The following IL1RAPL2 variants were observed in gnomAD, a reference collection of about 807,000 sequenced individuals.
IL1RAPL2 encodes the protein interleukin 1 receptor accessory protein like 2, also known as X-linked interleukin-1 receptor accessory protein-like 2.
A neutral mutation model predicts 44.1 loss-of-function variants in IL1RAPL2; 3 were observed. The ratio of observed to expected loss-of-function variants is 0.07; its 90% CI spans 0.03 to 0.18. The LOEUF (loss-of-function observed/expected upper bound fraction) is 0.18. Ranked by LOEUF, IL1RAPL2 falls within the 10% of genes least tolerant of loss-of-function variation. The pLI is 1.00. For missense variants in IL1RAPL2, 391 were observed against 496.4 expected (o/e 0.79, Z 2.02); for synonymous variants, 181 against 178.8 (o/e 1.01, Z -0.10).
At chrX:104,890,838 A>G (rs1037259147) in intron 2 of IL1RAPL2, among the ~76,000 whole-genome samples, 1 of 111,618 alleles carries the variant, frequency 9.0e-6, no homozygotes, top group African/African-American at 3.3e-5. Context: ...TTTTGTTGCC[A>G]TTGCTTCTGG....
chrX:105,681,430 G>A (rs762120169), intron 6 of IL1RAPL2, among the ~76,000 whole-genome samples: 3 of 111,986 alleles, frequency 2.7e-5, no homozygotes, highest in South Asian at 3.7e-4. Flanking sequence ...ATCTTGAAAA[G>A]AAAACATTAA....
chrX:105,451,554 A>C lies in IL1RAPL2; in HGVS notation c.698-32759A>C, dbSNP rs1215175041. 8.0e-5 allele frequency among the ~76,000 whole-genome samples: 9 copies of C among 111,848 alleles called. No homozygotes were observed. The South Asian group carries it at 3.3e-3, about 41-fold the overall frequency. On this transcript the variant is annotated intron_variant, in intron 5 of 10. Coordinates refer to ENST00000372582, the MANE Select transcript of IL1RAPL2 (RefSeq NM_017416.2). ...GAGAAAAAGGAAAGATAGAGTTGTA[A>C]GTATCTCTTAGCCTTCTTAGTAATT...
intron 1 of IL1RAPL2, among the ~76,000 whole-genome samples, chrX:104,582,630 T>TTCTC (rs1928392784): frequency 2.3e-5 from 2 of 87,083 alleles, no homozygotes; most frequent in Admixed American, 1.2e-4. Context: ...CTTTCTTTCT[T>TTCTC]TCTTTCTTTC....
chrX:105,271,948 A>G (rs1388878799), intron 5 of IL1RAPL2, among the ~76,000 whole-genome samples: 1 of 109,263 alleles, frequency 9.2e-6, no homozygotes, highest in Non-Finnish European at 1.9e-5. Context: ...GGCTGAGACA[A>G]TGGGGTTTTC....
At chrX:105,436,098 G>T (rs2035880612) in intron 5 of IL1RAPL2, among the ~76,000 whole-genome samples, 1 of 111,579 alleles carries the variant, frequency 9.0e-6, no homozygotes, top group African/African-American at 3.3e-5. Flanking sequence ...ACATGCAACA[G>T]TATGGATGAA....
intron 2 of IL1RAPL2, among the ~76,000 whole-genome samples, chrX:104,977,818 G>A (rs1481391522): frequency 1.8e-5 from 2 of 112,295 alleles, no homozygotes; most frequent in African/African-American, 6.5e-5. Context: ...GGGCAGTTCT[G>A]CAGTTATATC....
intron 2 of IL1RAPL2, among the ~76,000 whole-genome samples, chrX:104,896,975 C>A (rs1270924340): frequency 1.8e-5 from 2 of 111,514 alleles, no homozygotes; most frequent in African/African-American, 6.5e-5. Flanking sequence ...ATGAACCCAC[C>A]AGAAGGAAGA....
At chrX:104,977,460 C>G (rs1052613698) in intron 2 of IL1RAPL2, among the ~76,000 whole-genome samples, 6 of 111,986 alleles carry the variant, frequency 5.4e-5, no homozygotes, top group African/African-American at 1.9e-4. Flanking sequence ...TGGTTGCCAT[C>G]TCACCATCTC....
At chrX:105,525,922 T>A (rs1301569369) in intron 6 of IL1RAPL2, among the ~76,000 whole-genome samples, 1 of 111,871 alleles carries the variant, frequency 8.9e-6, no homozygotes, top group African/African-American at 3.2e-5. Context: ...TTAATAACTT[T>A]CTTTCTCTAC....
At chrX:104,648,540 G>T (rs1470301834) in intron 1 of IL1RAPL2, among the ~76,000 whole-genome samples, 1 of 111,926 alleles carries the variant, frequency 8.9e-6, no homozygotes, top group African/African-American at 3.2e-5. Flanking sequence ...TTTATTGATG[G>T]AAGAAAATGT....
At chrX:104,891,646 T>C (rs1373202716) in intron 2 of IL1RAPL2, among the ~76,000 whole-genome samples, 1 of 112,462 alleles carries the variant, frequency 8.9e-6, no homozygotes, top group Non-Finnish European at 1.9e-5. Context: ...ATTGATTTTG[T>C]ATCCTGAGAC....
intron 2 of IL1RAPL2, among the ~76,000 whole-genome samples, chrX:104,724,319 T>C (rs1368276616): frequency 9.0e-6 from 1 of 110,702 alleles, no homozygotes; most frequent in Non-Finnish European, 1.9e-5. Flanking sequence ...TCAACATATA[T>C]CTAAAAGGGG....
At chrX:105,269,577 C>T (rs2034431783) in intron 5 of IL1RAPL2, among the ~76,000 whole-genome samples, 1 of 111,226 alleles carries the variant, frequency 9.0e-6, no homozygotes, top group South Asian at 3.7e-4. Flanking sequence ...TGGGCCAATT[C>T]CAAATAGCAA....
intron 2 of IL1RAPL2, among the ~76,000 whole-genome samples, chrX:105,010,531 C>G (rs1168208197): frequency 6.3e-5 from 7 of 111,401 alleles, no homozygotes; most frequent in Non-Finnish European, 1.3e-4. Context: ...TGGCCATTTC[C>G]CCCACCTTAA....
At chrX:104,739,201 A>G (rs1050170149) in intron 2 of IL1RAPL2, among the ~76,000 whole-genome samples, 1 of 112,260 alleles carries the variant, frequency 8.9e-6, no homozygotes, top group Admixed American at 9.4e-5. Context: ...TAGTTGGCAT[A>G]TCAGGTGGTA....
rs192481960 is a variant in IL1RAPL2, at chrX:104,808,272, T to C, written c.82+149277T>C. 4.0e-3 allele frequency among the ~76,000 whole-genome samples: 453 copies of C among 112,070 alleles called. 5 individuals carry two copies. The highest frequency in any genetic ancestry group is 0.028 in the Middle Eastern group (6 of 217). ...AAACAATAGTTTGTCTTGCCTCCTT[T>C]ATATTTTATATCACCATTTTTTCAT... is the stretch of plus-strand genomic sequence containing the variant. On this transcript the variant is annotated intron_variant, in intron 2 of 10. Coordinates refer to ENST00000372582, the MANE Select transcript of IL1RAPL2 (RefSeq NM_017416.2).
intron 1 of IL1RAPL2, among the ~76,000 whole-genome samples, chrX:104,582,596 TTTTCTTTCTTTCTTTC>T (rs201257788): frequency 5.7e-5 from 3 of 52,191 alleles, no homozygotes; most frequent in East Asian, 7.3e-4. Context: ...CTTTCTTTCT[TTTTCTTTCTTTCTTTC>T]TTTCTTTCTT....
intron 5 of IL1RAPL2, among the ~76,000 whole-genome samples, chrX:105,392,572 GAGA>G (rs1157642779): frequency 9.0e-6 from 1 of 111,512 alleles, no homozygotes; most frequent in African/African-American, 3.3e-5. Context: ...TAGAGCTCAG[GAGA>G]AGATGAGGAA....
At chrX:104,592,145 A>ATGTGTGTGTGTGTGTG (rs35940205) in intron 1 of IL1RAPL2, among the ~76,000 whole-genome samples, 16 of 60,222 alleles carry the variant, frequency 2.7e-4, no homozygotes, top group Admixed American at 4.8e-4. Context: ...ATGCCCGTAT[A>ATGTGTGTGTGTGTGTG]TGTGTGTGTG....
Sources: allele counts gnomAD v4.1 joint callset (sites outside exome capture counted in the v4.1 genomes callset), GRCh38; gene constraint gnomAD v4.1.1; transcripts MANE v1.5; gene names NCBI Gene and HGNC (gene_info 2026-07-23, HGNC 2026-07-21).